RP1: variants seen among roughly 807,000 people sequenced by gnomAD.
The protein encoded by RP1 is RP1 axonemal microtubule associated.
A neutral mutation model predicts 14.8 loss-of-function variants in RP1; 16 were observed. The ratio of observed to expected loss-of-function variants is 1.08; its 90% confidence interval spans 0.73 to 1.65. The LOEUF is 1.65. RP1 is among the 40% of genes most tolerant of loss of function. The pLI is 0.00. For missense variants in RP1, 2,631 were observed against 2,535.0 expected (o/e 1.04, Z -0.81); for synonymous variants, 876 against 883.6 (o/e 0.99, Z 0.15).
At chr8:54,677,752 A>G (rs796323998) in intron 8 of RP1, among the ~76,000 whole-genome samples, 9 of 152,242 alleles carry the variant, frequency 5.9e-5, no homozygotes, top group African/African-American at 2.2e-4. Flanking sequence ...AAAAAATAAA[A>G]GAAAAAAATA....
At chr8:54,845,856 G>A (rs1443029141) in intron 25 of RP1, among the ~76,000 whole-genome samples, 5 of 152,128 alleles carry the variant, frequency 3.3e-5, no homozygotes, top group African/African-American at 4.8e-5. Context: ...ATGTTCAATC[G>A]CAACATCTTA....
At chr8:54,749,800 A>T (rs569336384) in intron 19 of RP1, among the ~76,000 whole-genome samples, 1 of 152,060 alleles carries the variant, frequency 6.6e-6, no homozygotes, top group South Asian at 2.1e-4. Flanking sequence ...TCTTGGGAAG[A>T]TGGGATGAGT....
chr8:54,616,760 C>G (rs1805726170), intron 1 of RP1, among the ~76,000 whole-genome samples: 1 of 152,180 alleles, frequency 6.6e-6, no homozygotes, highest in African/African-American at 2.4e-5. Context: ...TGAATTCACA[C>G]TATGTGGTAG....
At chr8:54,861,919 T>C (rs534589546) in intron 27 of RP1, among the ~76,000 whole-genome samples, 1 of 152,272 alleles carries the variant, frequency 6.6e-6, no homozygotes, top group South Asian at 2.1e-4. Context: ...AACTTTGTAA[T>C]GCACAGAAGC....
rs1312831580 is a variant in RP1, at chr8:54,625,531, T to C, written c.1649T>C (p.Ile550Thr). ...LKSSAISAGV[I>T]EITSQKMLEM... ...TCAAGTGCAATAAGTGCTGGTGTTATAGAAATTACAAGTCAGAAGATGTTA... is the reference window on the plus strand; with the variant it reads ...TCAAGTGCAATAAGTGCTGGTGTTACAGAAATTACAAGTCAGAAGATGTTA... The change falls in exon 4 of 4, where the codon ATA (isoleucine) becomes ACA (threonine). Residue 550 changes from isoleucine (I) to threonine (T), a missense_variant. By Grantham distance (89) the Ile-to-Thr change is moderately conservative. Transcript: ENST00000220676. 9 of 1,614,030 alleles carry C rather than the reference T, an allele frequency of 5.6e-6. No individual in the cohort carries two copies. The East Asian group carries it at 1.8e-4, about 32-fold the overall frequency.
At chr8:54,771,415 C>A (rs1448289249), downstream of RP1, among the ~76,000 whole-genome samples, 1 of 151,942 alleles carries the variant, frequency 6.6e-6, no homozygotes, top group African/African-American at 2.4e-5. Flanking sequence ...TATCAGAAGT[C>A]CTTTGTCAAT....
downstream of RP1, chr8:54,770,083 CAG>C: frequency 2.3e-6 from 1 of 431,022 alleles, no homozygotes; most frequent in Non-Finnish European, 4.1e-6. Context: ...TGTCATCAGA[CAG>C]ATCTGTTATT....
downstream of RP1, among the ~76,000 whole-genome samples, chr8:54,632,186 CA>C (rs745740619): frequency 2.0e-5 from 3 of 152,026 alleles, no homozygotes; most frequent in Non-Finnish European, 4.4e-5. Context: ...TTCTCTAGTG[CA>C]GGGAGACAAG....
chr8:54,812,654 T>C (rs1045619677), intron 24 of RP1, among the ~76,000 whole-genome samples: 1 of 152,210 alleles, frequency 6.6e-6, no homozygotes, highest in Non-Finnish European at 1.5e-5. Context: ...GTTAATTTTA[T>C]CTTCCTAAAA....
At chr8:54,806,050 ACT>A (rs1356810613) in intron 24 of RP1, among the ~76,000 whole-genome samples, 1 of 151,824 alleles carries the variant, frequency 6.6e-6, no homozygotes, top group African/African-American at 2.4e-5. Context: ...ACAGAGTCAC[ACT>A]CTGTCACCCA....
chr8:54,757,842 A>T lies in RP1; in HGVS notation c.3094-1080A>T, dbSNP rs375022175. 1.1e-4 allele frequency among the ~76,000 whole-genome samples: 16 copies of T among 152,348 alleles called. 1 individual carries two copies. The East Asian group carries it at 2.9e-3, about 28-fold the overall frequency. On this transcript the variant is annotated intron_variant, in intron 21 of 22. Transcript: ENST00000636932. The stretch of plus-strand genomic sequence containing the variant: ...GCCGTGCTGAGAATGCAGGACAGTG[A>T]CAATGAGATGATCTGTGCACACATG...
At chr8:54,856,548 C>T (rs934117181) in intron 26 of RP1, among the ~76,000 whole-genome samples, 16 of 152,182 alleles carry the variant, frequency 1.1e-4, no homozygotes, top group Non-Finnish European at 5.9e-5. Flanking sequence ...CTTCCTGAGT[C>T]TGAGACTTGG....
chr8:54,748,956 T>C (rs1809293755), intron 19 of RP1, among the ~76,000 whole-genome samples: 1 of 152,146 alleles, frequency 6.6e-6, no homozygotes, highest in African/African-American at 2.4e-5. Context: ...CTATCCAGTG[T>C]TTATCTTACA....
chr8:54,661,823 A>G (rs1190577160), intron 6 of RP1, among the ~76,000 whole-genome samples: 1 of 151,948 alleles, frequency 6.6e-6, no homozygotes, highest in Non-Finnish European at 1.5e-5. Context: ...GTTAGATTGG[A>G]TGATTTCTAT....
At chr8:54,575,591 A>G (rs1398765667) in intron 1 of RP1, among the ~76,000 whole-genome samples, 3 of 152,174 alleles carry the variant, frequency 2.0e-5, no homozygotes, top group Non-Finnish European at 4.4e-5. Context: ...TATTACGACA[A>G]TCGTCACCTC....
At chr8:54,804,807 A>ACTCT (rs1157144443) in intron 24 of RP1, among the ~76,000 whole-genome samples, 1 of 152,234 alleles carries the variant, frequency 6.6e-6, no homozygotes, top group Non-Finnish European at 1.5e-5. Flanking sequence ...ATGACTCTTA[A>ACTCT]TTCAGGACAG....
At chr8:54,859,536 C>T (rs1812292008) in intron 27 of RP1, among the ~76,000 whole-genome samples, 1 of 150,120 alleles carries the variant, frequency 6.7e-6, no homozygotes, top group South Asian at 2.1e-4. Context: ...GGCATTGTCA[C>T]TGTAGAGCAG....
intron 12 of RP1, among the ~76,000 whole-genome samples, chr8:54,686,527 C>G (rs1269272541): frequency 6.6e-6 from 1 of 152,040 alleles, no homozygotes; most frequent in East Asian, 1.9e-4. Flanking sequence ...CAATACTATG[C>G]CTAAAAGCAG....
chr8:54,791,085 G>A (rs946509778), intron 24 of RP1, among the ~76,000 whole-genome samples: 3 of 152,108 alleles, frequency 2.0e-5, no homozygotes, highest in African/African-American at 7.2e-5. Flanking sequence ...AAGACAAAGA[G>A]AATTTTGAAA....
Sources: gnomAD v4.1 joint callset for allele counts (sites outside exome capture counted in the v4.1 genomes callset) on GRCh38, gnomAD v4.1.1 for gene constraint, MANE v1.5 for transcripts, NCBI Gene and HGNC (gene_info 2026-07-23, HGNC 2026-07-21) for gene names.